DYSF: variants seen among roughly 807,000 people sequenced by gnomAD.
The protein encoded by DYSF is dysferlin.
Under a neutral mutation model 274.9 loss-of-function variants are expected in DYSF, and 212 were observed. The observed-to-expected ratio is 0.77, with a 90% CI of 0.69 to 0.86. The LOEUF is 0.86. DYSF is among the 40% of genes least tolerant of loss of function. DYSF has a pLI of 0.00. For synonymous variants in DYSF, 1,091 were observed against 1,078.7 expected (o/e 1.01, Z -0.22); for missense variants, 2,666 against 2,783.2 (o/e 0.96, Z 0.95).
chr2:71,495,771 C>A (rs1393312171), intron 3 of DYSF, among the ~76,000 whole-genome samples: 1 of 152,116 alleles, frequency 6.6e-6, no homozygotes, highest in Non-Finnish European at 1.5e-5. Flanking sequence ...CCGCCACTGA[C>A]ATAGGGGAAG....
At chr2:71,481,834 C>G in intron 2 of DYSF, 45 bp from the exon 3 acceptor site, 2 of 1,535,794 alleles carry the variant, frequency 1.3e-6, no homozygotes, top group Non-Finnish European at 1.8e-6. Context: ...AGTCTCTTCT[C>G]CTAGAGGGCC....
intron 43 of DYSF, 127 bp downstream of exon 43, chr2:71,656,417 T>C (rs946471164): frequency 1.7e-5 from 24 of 1,371,740 alleles, no homozygotes; most frequent in Middle Eastern, 2.5e-4. Context: ...ACATGGGTAA[T>C]GGAGGTGGTG....
intron 1 of DYSF, among the ~76,000 whole-genome samples, chr2:71,459,157 A>G (rs1224933144): frequency 6.6e-6 from 1 of 152,216 alleles, no homozygotes; most frequent in Non-Finnish European, 1.5e-5. Context: ...ATTGACAAAT[A>G]TGCCCTGAAG....
intron 30 of DYSF, among the ~76,000 whole-genome samples, chr2:71,586,173 G>A (rs1216151760): frequency 6.6e-6 from 1 of 152,162 alleles, no homozygotes; most frequent in East Asian, 1.9e-4. Context: ...GGGAGGGCCA[G>A]TGGACCAGAG....
chr2:71,467,350 A>T (rs1253620069), intron 1 of DYSF, among the ~76,000 whole-genome samples: 1 of 152,116 alleles, frequency 6.6e-6, no homozygotes, highest in Non-Finnish European at 1.5e-5. Context: ...TCATTCATTC[A>T]TTCATTCATT....
intron 3 of DYSF, among the ~76,000 whole-genome samples, chr2:71,485,860 C>T (rs1406785446): frequency 6.6e-6 from 1 of 152,184 alleles, no homozygotes; most frequent in Non-Finnish European, 1.5e-5. Context: ...GTTGCCCAGG[C>T]TGCAGTGCAG....
chr2:71,539,075 AC>A, intron 16 of DYSF, 81 bp from the exon 17 acceptor site: 1 of 1,288,990 alleles, frequency 7.8e-7, no homozygotes, highest in South Asian at 1.2e-5. Context: ...GTGATGTGTA[AC>A]CGAGGCCGCA....
upstream of DYSF, among the ~76,000 whole-genome samples, chr2:71,462,668 C>T (rs546767508): frequency 1.3e-5 from 2 of 152,286 alleles, no homozygotes; most frequent in East Asian, 1.9e-4. Context: ...TCAGGAAACC[C>T]GAAGTGGGTA....
At chr2:71,473,090 G>C (rs2082152567) in intron 1 of DYSF, among the ~76,000 whole-genome samples, 1 of 152,178 alleles carries the variant, frequency 6.6e-6, no homozygotes, top group Admixed American at 6.5e-5. Context: ...GGGGTGGAGG[G>C]TGGTTGACGG....
Position 71,601,144 on chromosome 2 carries a change from C to G in DYSF, c.3897+302C>G, listed in dbSNP as rs1341155888. ...GCCACAATGTGAGGGACTCCAGGGA[C>G]AGGCAAGGGCAGGATCCCCGTTGCA... On this transcript the variant is annotated intron_variant, in intron 34 of 55. Transcript: ENST00000410020. 1.0e-5 allele frequency: 6 copies of G among 586,932 alleles called. No individual in the cohort carries two copies. In the East Asian group the frequency reaches 1.7e-4, roughly 17 times the overall value. 36.4% of individuals were successfully genotyped at this position (586,932 alleles called of 1,614,324 possible).
chr2:71,558,249 C>T (rs1440835307), intron 22 of DYSF, among the ~76,000 whole-genome samples: 1 of 152,040 alleles, frequency 6.6e-6, no homozygotes. Flanking sequence ...GGCATGGGGG[C>T]TGTGCTCTGA....
At chr2:71,481,073 C>CCTCTCTCCTCTCTTCTGCTGTCTT (rs2082843684) in intron 2 of DYSF, 135 bp downstream of exon 2, 1 of 858,792 alleles carries the variant, frequency 1.2e-6, no homozygotes, top group African/African-American at 1.7e-5. Context: ...GTCCAGCCTG[C>CCTCTCTCCTCTCTTCTGCTGTCTT]CAACGAAATC....
intron 8 of DYSF, 40 bp from the exon 9 acceptor site, chr2:71,516,140 A>G (rs751491934): frequency 2.5e-6 from 4 of 1,596,718 alleles, no homozygotes; most frequent in South Asian, 2.2e-5. Flanking sequence ...CTGAGGGATC[A>G]GCAGGCACTG....
intron 1 of DYSF, among the ~76,000 whole-genome samples, chr2:71,476,746 G>GCTGCACAT (rs1226649863): frequency 6.6e-6 from 1 of 151,792 alleles, no homozygotes; most frequent in African/African-American, 2.4e-5. Flanking sequence ...GTGCACCTCT[G>GCTGCACAT]CTGCACATCA....
chr2:71,520,706 G>A, intron 11 of DYSF, 83 bp from the exon 12 acceptor site: 3 of 1,173,828 alleles, frequency 2.6e-6, no homozygotes, highest in Non-Finnish European at 2.6e-6. Context: ...CCTCCCCTGT[G>A]CAGTCCATCC....
chr2:71,539,462 AAG>A (rs1290710493), intron 17 of DYSF, among the ~76,000 whole-genome samples: 1 of 152,170 alleles, frequency 6.6e-6, no homozygotes, highest in African/African-American at 2.4e-5. Flanking sequence ...GAAGGGCACA[AAG>A]AGGATAATTC....
chr2:71,615,810 A>G lies in DYSF; in HGVS notation c.4464+2400A>G, dbSNP rs1160455719. Among the ~76,000 whole-genome samples, 3 of 152,088 alleles carry G rather than the reference A, an allele frequency of 2.0e-5. No homozygotes were observed. The highest frequency in any genetic ancestry group is 4.4e-5 in the Non-Finnish European group (3 of 68,006). On this transcript the variant is annotated intron_variant, in intron 40 of 55. Coordinates refer to ENST00000410020, the MANE Select transcript of DYSF (RefSeq NM_001130987.2). The surrounding 1 kb of genome is among the most constrained non-coding windows in gnomAD (Gnocchi z 4.9). ...GGCTTCTGGGGACAGGAGGGACGAG[A>G]GGTCTGGCAGAATCTGGATTTTGGC...
intron 40 of DYSF, among the ~76,000 whole-genome samples, chr2:71,617,715 GGT>G (rs1351483083): frequency 9.5e-6 from 1 of 105,754 alleles, no homozygotes; most frequent in African/African-American, 3.3e-5. Context: ...GTAGAGGTGG[GGT>G]GTGTGTGTGG....
chr2:71,602,159 GT>G (rs2093563227), intron 35 of DYSF, among the ~76,000 whole-genome samples: 1 of 152,154 alleles, frequency 6.6e-6, no homozygotes, highest in African/African-American at 2.4e-5. Context: ...GCTTTGACTG[GT>G]ACCCAGGTGC....
Sources: gnomAD v4.1 joint callset for allele counts (sites outside exome capture counted in the v4.1 genomes callset) on GRCh38, gnomAD v4.1.1 for gene constraint, Gnocchi (gnomAD v3.1) non-coding constraint, MANE v1.5 for transcripts, NCBI Gene and HGNC (gene_info 2026-07-23, HGNC 2026-07-21) for gene names.